MYH11: variants seen among roughly 807,000 people sequenced by gnomAD.
MYH11 encodes the protein myosin heavy chain 11.
MYH11 carries 80 observed loss-of-function variants against 246.6 expected under a neutral mutation model. That is an observed-to-expected ratio of 0.32 (90% CI 0.27 to 0.39). The LOEUF is 0.39. Among genes scored for constraint, MYH11 ranks in the 10% least tolerant of loss-of-function variants. MYH11 has a pLI of 1.00. For missense variants in MYH11, 2,158 were observed against 2,546.8 expected (o/e 0.85, Z 3.29); for synonymous variants, 1,071 against 1,015.5 (o/e 1.05, Z -1.04).
At chr16:15,840,406 A>T (rs1255445815) in intron 1 of MYH11, among the ~76,000 whole-genome samples, 1 of 152,156 alleles carries the variant, frequency 6.6e-6, no homozygotes, top group Non-Finnish European at 1.5e-5. Context: ...TCCTGATCTT[A>T]TCTCCCCACA....
chr16:15,776,382 G>A (rs746369922), intron 7 of MYH11, among the ~76,000 whole-genome samples: 44 of 152,224 alleles, frequency 2.9e-4, no homozygotes, highest in Non-Finnish European at 4.9e-4. Flanking sequence ...AAAAAGGGAG[G>A]GGAATAGAGT....
At chr16:15,840,785 A>G (rs529246517) in intron 1 of MYH11, among the ~76,000 whole-genome samples, 10 of 152,318 alleles carry the variant, frequency 6.6e-5, no homozygotes, top group African/African-American at 2.4e-4. Context: ...ATGAACATGT[A>G]TGATTATTTG....
At chr16:15,767,367 G>C (rs1047460732) in intron 9 of MYH11, among the ~76,000 whole-genome samples, 5 of 152,160 alleles carry the variant, frequency 3.3e-5, no homozygotes, top group Non-Finnish European at 7.3e-5. Flanking sequence ...GCTGAGCAAG[G>C]GCCTGGCCTA....
At chr16:15,818,001 C>T (rs1380863120) in intron 3 of MYH11, among the ~76,000 whole-genome samples, 2 of 152,146 alleles carry the variant, frequency 1.3e-5, no homozygotes, top group Non-Finnish European at 2.9e-5. Flanking sequence ...TACTATGTGC[C>T]AGGCACCAGA....
intron 27 of MYH11, 53 bp from the exon 28 acceptor site, chr16:15,727,107 C>A: frequency 6.4e-7 from 1 of 1,550,836 alleles, no homozygotes. Context: ...GCCGGGAGAA[C>A]GTTTCAGGCC....
intron 3 of MYH11, among the ~76,000 whole-genome samples, chr16:15,807,278 C>T (rs2043035803): frequency 1.3e-5 from 2 of 152,068 alleles, no homozygotes; most frequent in Non-Finnish European, 2.9e-5. Flanking sequence ...CAGGCTCAAG[C>T]CAATGCACCG....
intron 37 of MYH11, 138 bp downstream of exon 37, chr16:15,718,177 T>C: frequency 7.2e-7 from 1 of 1,382,994 alleles, no homozygotes; most frequent in Non-Finnish European, 1.0e-6. Flanking sequence ...GGATCTCTAC[T>C]CTCAGGCCCC....
chr16:15,800,920 G>A (rs1300270297), intron 3 of MYH11, among the ~76,000 whole-genome samples: 1 of 152,044 alleles, frequency 6.6e-6, no homozygotes, highest in African/African-American at 2.4e-5. Flanking sequence ...TTTAAAAATA[G>A]GCAGGCCGGG....
intron 20 of MYH11, among the ~76,000 whole-genome samples, chr16:15,744,543 C>A (rs547422268): frequency 6.7e-6 from 1 of 150,012 alleles, no homozygotes; most frequent in African/African-American, 2.5e-5. Flanking sequence ...CTCAATCTTT[C>A]ACCCAGGCTG....
Position 15,724,887 on chromosome 16 carries a change from C to T in MYH11, c.3963+1G>A. ...CCTGGATGATGTGGCAGGACACTCA[C>T]CTGGGTGTCCTGGAGCTGGGAACTG... is the stretch of plus-strand genomic sequence containing the variant. On this transcript the variant is annotated splice_donor_variant, in intron 29 of 40. Transcript: ENST00000300036. LOFTEE classifies it high-confidence loss of function. 1 of 1,613,940 alleles carries T rather than the reference C, an allele frequency of 6.2e-7. No homozygotes were observed. Among genetic ancestry groups the T allele is most frequent in the South Asian group, 1.1e-5 (1 of 91,084 alleles).
chr16:15,724,822 T>C, intron 29 of MYH11, 23 bp from the exon 30 acceptor site: 1 of 1,612,744 alleles, frequency 6.2e-7, no homozygotes, highest in Non-Finnish European at 8.5e-7. Context: ...TGCAAAGAGG[T>C]CCCAGGGACC....
Position 15,717,318 on chromosome 16 carries a change from C to A in MYH11, c.5326G>T (p.Glu1776Ter). ...AEQLSNELATERSTAQKNESA... is the reference protein window; with the variant it reads ...AEQLSNELAT ...TCATTCTTCTGGGCCGTGCTGCGCT[C>A]TGTGGCCAGCTCGTTGCTGAGCTGC... is the stretch of plus-strand genomic sequence containing the variant. Residue 1776 changes from glutamate (E) to a stop codon, truncating the protein, a stop_gained, in exon 38 of 41, where the codon GAG (glutamate) becomes TAG (stop). Transcript: ENST00000300036. LOFTEE classifies it high-confidence loss of function. 6.2e-7 allele frequency: 1 copy of A among 1,610,778 alleles called. No homozygotes were observed. Among genetic ancestry groups the A allele is most frequent in the Non-Finnish European group, 8.5e-7 (1 of 1,180,024 alleles).
chr16:15,718,986 G>A, intron 36 of MYH11: 2 of 547,984 alleles, frequency 3.6e-6, no homozygotes, highest in Non-Finnish European at 6.5e-6. Flanking sequence ...AAATTAGCCA[G>A]GCATGGTGGT....
At position 15,771,633 on chromosome 16, in the gene MYH11, A is replaced by G; in HGVS notation, c.969T>C (p.Asp323=). 1.2e-6 allele frequency: 2 copies of G among 1,610,626 alleles called. No homozygotes were observed. Among genetic ancestry groups the G allele is most frequent in the Non-Finnish European group, 1.7e-6 (2 of 1,177,014 alleles). The change falls in exon 9 of 41, where the codon GAT becomes GAC. Residue 323 remains aspartate (D), a synonymous_variant. Transcript: ENST00000300036. ...CCTCCACGGTTTCCTGGAACATCTCATCATCCTGGGCTGCTGGGATGGGCA... is the reference window on the plus strand; with the variant it reads ...CCTCCACGGTTTCCTGGAACATCTCGTCATCCTGGGCTGCTGGGATGGGCA... The part of the protein sequence containing the change: ...GFVPIPAAQD[D]EMFQETVEAM...
intron 1 of MYH11, among the ~76,000 whole-genome samples, chr16:15,856,494 G>C (rs1414702082): frequency 6.6e-6 from 1 of 152,092 alleles, no homozygotes; most frequent in Non-Finnish European, 1.5e-5. Flanking sequence ...GTGAAGTTCA[G>C]CTGTAAATTT....
At chr16:15,818,755 G>A (rs745684638) in intron 3 of MYH11, among the ~76,000 whole-genome samples, 1 of 151,984 alleles carries the variant, frequency 6.6e-6, no homozygotes, top group Non-Finnish European at 1.5e-5. Context: ...TTTGGAGTCC[G>A]CCATCAATGA....
intron 27 of MYH11, among the ~76,000 whole-genome samples, chr16:15,728,102 G>A (rs933787613): frequency 3.3e-5 from 5 of 152,022 alleles, no homozygotes; most frequent in Admixed American, 6.6e-5. Flanking sequence ...GGTGGCGCAC[G>A]CCTGTAGTCC....
At chr16:15,810,691 T>A (rs2043119500) in intron 3 of MYH11, among the ~76,000 whole-genome samples, 1 of 152,212 alleles carries the variant, frequency 6.6e-6, no homozygotes, top group Admixed American at 6.5e-5. Flanking sequence ...GGCTCCACCC[T>A]ATCACCTCTG....
At chr16:15,835,746 AT>A (rs386384349) in intron 2 of MYH11, among the ~76,000 whole-genome samples, 20,559 of 131,994 alleles carry the variant, frequency 0.16, 1,134 homozygotes, top group South Asian at 0.3. Flanking sequence ...AGCTGGTACT[AT>A]TTTTTTTTTT....
Sources: gnomAD v4.1 joint callset for allele counts (sites outside exome capture counted in the v4.1 genomes callset) on GRCh38, gnomAD v4.1.1 for gene constraint, MANE v1.5 for transcripts, NCBI Gene and HGNC (gene_info 2026-07-23, HGNC 2026-07-21) for gene names.